MICAL3: variants seen among roughly 807,000 people sequenced by gnomAD.
The protein encoded by MICAL3 is microtubule associated monooxygenase, calponin and LIM domain containing 3, also known as [F-actin]-monooxygenase MICAL3.
A neutral mutation model predicts 207.4 loss-of-function variants in MICAL3; 62 were observed. The ratio of observed to expected loss-of-function variants is 0.30; its 90% CI spans 0.24 to 0.37. The LOEUF is 0.37. Ranked by LOEUF, MICAL3 falls within the 10% of genes least tolerant of loss-of-function variation. MICAL3 has a pLI of 1.00. For synonymous variants in MICAL3, 1,077 were observed against 1,069.3 expected (o/e 1.01, Z -0.14); for missense variants, 2,368 against 2,635.6 (o/e 0.90, Z 2.22).
intron 19 of MICAL3, chr22:17,858,451 C>T: frequency 1.0e-6 from 1 of 985,274 alleles, no homozygotes; most frequent in Non-Finnish European, 1.2e-6. Context: ...GTGAAAGGGG[C>T]TGGAATTCGG....
intron 1 of MICAL3, among the ~76,000 whole-genome samples, chr22:17,960,262 G>A (rs976800780): frequency 6.6e-6 from 1 of 151,620 alleles, no homozygotes; most frequent in Admixed American, 6.6e-5. Flanking sequence ...TGAGCTCACT[G>A]GGGGTCAGCG....
chr22:17,860,461 G>GCATT, intron 19 of MICAL3: 1 of 985,438 alleles, frequency 1.0e-6, no homozygotes, highest in African/African-American at 1.7e-5. Context: ...CGCCCCTCCC[G>GCATT]CAGGCACCCC....
intron 5 of MICAL3, among the ~76,000 whole-genome samples, chr22:17,901,276 C>T (rs1033264275): frequency 2.0e-5 from 3 of 152,098 alleles, no homozygotes; most frequent in Middle Eastern, 3.2e-3. Flanking sequence ...AAAAGGGATG[C>T]GTGGGGGGAG....
intron 29 of MICAL3, chr22:17,803,741 G>C: frequency 1.3e-6 from 1 of 756,290 alleles, no homozygotes; most frequent in Non-Finnish European, 1.6e-6. Context: ...TTGTGAGCAG[G>C]GACTGGGAAG....
At chr22:17,865,233 C>T (rs1223462904) in intron 18 of MICAL3, among the ~76,000 whole-genome samples, 1 of 152,076 alleles carries the variant, frequency 6.6e-6, no homozygotes, top group East Asian at 1.9e-4. Flanking sequence ...ACCTCAGCCT[C>T]CTGAGTCACC....
intron 7 of MICAL3, 90 bp from the exon 8 acceptor site, chr22:17,897,071 T>G: frequency 7.0e-7 from 1 of 1,423,800 alleles, no homozygotes; most frequent in Non-Finnish European, 9.4e-7. Context: ...CAGCTTCTTC[T>G]TCCCCCTAAA....
chr22:17,938,650 G>C (rs1341291633), intron 1 of MICAL3, among the ~76,000 whole-genome samples: 2 of 152,210 alleles, frequency 1.3e-5, no homozygotes, highest in Non-Finnish European at 2.9e-5. Context: ...CTTGGTCTAA[G>C]CTGATGCTTT....
rs868359300 is a variant in MICAL3 at position 17,798,692 on chromosome 22, G to C, written c.5651-7391C>G. 2.0e-3 allele frequency among the ~76,000 whole-genome samples: 94 copies of C among 48,112 alleles called. 1 individual carries two copies. The highest frequency in any genetic ancestry group is 2.8e-3 in the Non-Finnish European group (71 of 25,010). The allele number at this position is 48,112 out of a possible 152,430, so 31.6% of individuals were successfully genotyped here. A position where few individuals can be genotyped will look rare whatever the true frequency, so the allele number is the denominator to read the frequency against. On this transcript the variant is annotated intron_variant, in intron 29 of 31. Transcript: ENST00000441493. ...CAATGCCTTTTTTTTTTTTTTTTTT[G>C]AGACAGAGTCTCCCTCTGTCACCCA...
At chr22:18,005,502 T>C (rs954275298) in intron 1 of MICAL3, 7 of 152,036 alleles carry the variant, frequency 4.6e-5, no homozygotes, top group African/African-American at 1.7e-4. Flanking sequence ...AGGAAACAAA[T>C]ACAAAATAGC....
intron 1 of MICAL3, among the ~76,000 whole-genome samples, chr22:17,942,818 C>A (rs961161844): frequency 2.0e-5 from 3 of 152,210 alleles, no homozygotes; most frequent in African/African-American, 7.2e-5. Flanking sequence ...TGGGTGCTGC[C>A]CTAAGAGACT....
At chr22:17,988,172 T>C (rs1007302516) in intron 1 of MICAL3, among the ~76,000 whole-genome samples, 5 of 152,192 alleles carry the variant, frequency 3.3e-5, no homozygotes, top group African/African-American at 9.6e-5. Context: ...TCCTGGCACT[T>C]GGAAAACAAG....
intron 12 of MICAL3, among the ~76,000 whole-genome samples, chr22:17,889,541 G>C (rs1353300841): frequency 6.6e-6 from 1 of 152,174 alleles, no homozygotes; most frequent in African/African-American, 2.4e-5. Context: ...CGAGAATAGG[G>C]ACTGGCTGGG....
intron 9 of MICAL3, 86 bp from the exon 10 acceptor site, chr22:17,895,496 C>T: frequency 6.8e-7 from 1 of 1,479,452 alleles, no homozygotes; most frequent in Non-Finnish European, 9.3e-7. Flanking sequence ...GACAGCGCAG[C>T]AAGTCACCTG....
In MICAL3 at chr22:17,818,369, T is replaced by G; in HGVS notation, c.4292A>C (p.His1431Pro). Residue 1431 changes from histidine (H) to proline (P), a missense_variant, in exon 26 of 32, where the codon CAC (histidine) becomes CCC (proline). Coordinates refer to ENST00000441493, the MANE Select transcript of MICAL3 (RefSeq NM_015241.3). Reference protein sequence around the residue: ...ELSSSSGLGLHGSSSNMKTLG... With the variant: ...ELSSSSGLGLPGSSSNMKTLG... ...TGTCTTCATGTTGGAGGAGCTCCCG[T>G]GCAGGCCCAGGCCAGAGCTGCTGGA... The G allele has an allele frequency of 6.2e-7, 1 of 1,604,710 alleles. No homozygotes were observed. The highest frequency in any genetic ancestry group is 2.2e-5 in the East Asian group (1 of 44,756).
chr22:17,948,348 T>A (rs1934173164), intron 1 of MICAL3, among the ~76,000 whole-genome samples: 2 of 152,218 alleles, frequency 1.3e-5, no homozygotes, highest in Non-Finnish European at 2.9e-5. Context: ...TTTGGTGGAC[T>A]CCACCTCTTG....
At chr22:17,901,278 T>G (rs936225955) in intron 5 of MICAL3, among the ~76,000 whole-genome samples, 2 of 152,120 alleles carry the variant, frequency 1.3e-5, no homozygotes, top group Admixed American at 6.6e-5. Flanking sequence ...AAGGGATGCG[T>G]GGGGGGAGCA....
intron 21 of MICAL3, among the ~76,000 whole-genome samples, chr22:17,828,726 T>C (rs968061717): frequency 3.9e-5 from 6 of 152,186 alleles, no homozygotes; most frequent in African/African-American, 1.4e-4. Context: ...ACTTAGTGCT[T>C]GGACCGTGCC....
chr22:17,935,534 G>C (rs1385274580), intron 1 of MICAL3, among the ~76,000 whole-genome samples: 2 of 152,110 alleles, frequency 1.3e-5, no homozygotes, highest in African/African-American at 4.8e-5. Flanking sequence ...GACTTAATGA[G>C]TAAAACACCA....
Position 17,999,217 on chromosome 22 carries a change from C to A in MICAL3, c.-75+25064G>T, listed in dbSNP as rs5747441. Among the ~76,000 whole-genome samples the A allele has an allele frequency of 3.9e-5, 6 of 152,324 alleles. No homozygotes were observed. The East Asian group carries it at 1.2e-3, about 29-fold the overall frequency. Reference sequence around the variant, plus strand: ...GATGCAGGAAAGGGTCCCCTTTGACCCTCTGCTCTTCTGTACTGAATGGTG... The same window carrying A: ...GATGCAGGAAAGGGTCCCCTTTGACACTCTGCTCTTCTGTACTGAATGGTG... On this transcript the variant is annotated intron_variant, in intron 1 of 31. Transcript: ENST00000441493.
Sources: gnomAD v4.1 joint callset for allele counts (sites outside exome capture counted in the v4.1 genomes callset) on GRCh38, gnomAD v4.1.1 for gene constraint, MANE v1.5 for transcripts, NCBI Gene and HGNC (gene_info 2026-07-23, HGNC 2026-07-21) for gene names.